KAZN: variants seen among roughly 807,000 people sequenced by gnomAD.
KAZN encodes kazrin.
KAZN carries 40 observed loss-of-function variants against 87.4 expected under a neutral mutation model. That is an observed-to-expected ratio of 0.46 (90% CI 0.36 to 0.60). The LOEUF (loss-of-function observed/expected upper bound fraction) is 0.60. Among genes scored for constraint, KAZN ranks in the 20% least tolerant of loss-of-function variants. The probability of loss-of-function intolerance (pLI) is 0.00; values close to 1 mark genes in which losing one functional copy is unlikely to be tolerated. For synonymous variants in KAZN, 466 were observed against 458.3 expected (o/e 1.02, Z -0.22); for missense variants, 898 against 1,073.9 (o/e 0.84, Z 2.29).
intron 4 of KAZN, among the ~76,000 whole-genome samples, chr1:15,053,602 T>C (rs1674645341): frequency 6.6e-6 from 1 of 152,228 alleles, no homozygotes; most frequent in African/African-American, 2.4e-5. Context: ...CCCACAGGAA[T>C]GTGGGCTTAA....
intron 1 of KAZN, among the ~76,000 whole-genome samples, chr1:14,815,430 G>C (rs1022872148): frequency 2.0e-5 from 3 of 152,144 alleles, no homozygotes; most frequent in African/African-American, 7.2e-5. Context: ...TGTGAACAAT[G>C]TTCTTGATAA....
intron 4 of KAZN, among the ~76,000 whole-genome samples, chr1:15,046,704 A>G (rs1333702325): frequency 1.3e-5 from 2 of 152,178 alleles, no homozygotes; most frequent in African/African-American, 4.8e-5. Flanking sequence ...CTCCTTGTCC[A>G]ATGCTGACCC....
chr1:14,455,261 C>T (rs760199822), intron 2 of KAZN, among the ~76,000 whole-genome samples: 8 of 152,184 alleles, frequency 5.3e-5, no homozygotes, highest in Non-Finnish European at 8.8e-5. Context: ...CAAATTCTAA[C>T]CATGTCCTGA....
At chr1:14,117,205 G>A (rs1644642983) in intron 1 of KAZN, among the ~76,000 whole-genome samples, 2 of 152,118 alleles carry the variant, frequency 1.3e-5, no homozygotes, top group Admixed American at 1.3e-4. Flanking sequence ...GGGCCGAGGT[G>A]GAATGATATG....
chr1:14,454,107 T>C (rs1010480092), intron 2 of KAZN, among the ~76,000 whole-genome samples: 2 of 152,172 alleles, frequency 1.3e-5, no homozygotes, highest in African/African-American at 4.8e-5. Flanking sequence ...CCATGGAGCT[T>C]TACAGAAGTG....
chr1:14,482,288 A>G (rs376823067), intron 2 of KAZN, among the ~76,000 whole-genome samples: 2 of 152,322 alleles, frequency 1.3e-5, no homozygotes, highest in African/African-American at 4.8e-5. Flanking sequence ...GCCAGGGCCC[A>G]AAGAAAAAGT....
intron 1 of KAZN, among the ~76,000 whole-genome samples, chr1:14,016,352 T>C (rs2101222078): frequency 6.6e-6 from 1 of 152,322 alleles, no homozygotes; most frequent in African/African-American, 2.4e-5. Context: ...CAGGACTCTA[T>C]GGCTTACAAA....
chr1:13,966,163 C>T (rs1641935514), intron 1 of KAZN, among the ~76,000 whole-genome samples: 1 of 152,148 alleles, frequency 6.6e-6, no homozygotes, highest in Non-Finnish European at 1.5e-5. Flanking sequence ...TCTGCTTTCT[C>T]TCCCTGCCTC....
intron 1 of KAZN, among the ~76,000 whole-genome samples, chr1:14,692,794 G>A (rs1295139459): frequency 1.3e-5 from 2 of 152,194 alleles, no homozygotes; most frequent in East Asian, 3.9e-4. Flanking sequence ...TTAGCCAGGC[G>A]TAGTGGCACA....
intron 1 of KAZN, among the ~76,000 whole-genome samples, chr1:13,997,100 T>C (rs1017742275): frequency 6.6e-6 from 1 of 151,934 alleles, no homozygotes; most frequent in African/African-American, 2.4e-5. Context: ...CCCTAGCAAA[T>C]TGCAGCAGCC....
At chr1:14,072,993 G>C (rs1241363072) in intron 1 of KAZN, among the ~76,000 whole-genome samples, 1 of 152,080 alleles carries the variant, frequency 6.6e-6, no homozygotes. Context: ...GATCAGGGCT[G>C]GTTCTGAATC....
chr1:14,226,618 A>G (rs933104938), intron 2 of KAZN, among the ~76,000 whole-genome samples: 6 of 152,220 alleles, frequency 3.9e-5, no homozygotes, highest in East Asian at 3.8e-4. Context: ...TCATCGCAGC[A>G]CTATTCAGAA....
chr1:15,022,136 T>A (rs1302442194), intron 2 of KAZN, among the ~76,000 whole-genome samples: 3 of 152,130 alleles, frequency 2.0e-5, no homozygotes, highest in Non-Finnish European at 4.4e-5. Context: ...CCAAGCCTCA[T>A]GCATCCATGC....
chr1:13,945,710 T>TGTGTGTGTGAGAGA lies in KAZN; in HGVS notation c.91+51955_91+51956insTGTGTGTGAGAGAG, dbSNP rs757118365. The stretch of plus-strand genomic sequence containing the variant: ...GTGTGTGTGTGTGTGTGTGTGTGTG[T>TGTGTGTGTGAGAGA]GAGAGAGAGAGAGAGAGAGAGAGAG... On this transcript the variant is annotated intron_variant, in intron 1 of 16. Transcript: ENST00000636203. 2.5e-4 allele frequency among the ~76,000 whole-genome samples: 34 copies of TGTGTGTGTGAGAGA among 137,268 alleles called. No homozygotes were observed. In the East Asian group the frequency reaches 7.4e-3, roughly 30 times the overall value. 90.1% of individuals were successfully genotyped at this position (137,268 alleles called of 152,430 possible).
At chr1:14,438,146 T>C (rs374006893) in intron 2 of KAZN, among the ~76,000 whole-genome samples, 8 of 151,598 alleles carry the variant, frequency 5.3e-5, no homozygotes, top group African/African-American at 1.9e-4. Flanking sequence ...TGCTTCTCTG[T>C]TTCTGTTCAT....
chr1:14,527,565 AC>A (rs1473825529), intron 2 of KAZN, among the ~76,000 whole-genome samples: 2 of 148,996 alleles, frequency 1.3e-5, no homozygotes, highest in African/African-American at 4.9e-5. Context: ...AAAAAAAAAA[AC>A]GATACAGGTT....
intron 2 of KAZN, among the ~76,000 whole-genome samples, chr1:14,278,479 G>A (rs546495489): frequency 1.4e-4 from 21 of 151,834 alleles, no homozygotes; most frequent in African/African-American, 2.4e-4. Flanking sequence ...TAATAGAGAC[G>A]GGGTTTTACG....
chr1:14,038,269 C>A (rs1282659996), intron 1 of KAZN, among the ~76,000 whole-genome samples: 1 of 152,002 alleles, frequency 6.6e-6, no homozygotes, highest in Non-Finnish European at 1.5e-5. Flanking sequence ...GGGGCAGGTG[C>A]AGTTGTGATT....
At chr1:14,543,098 A>G (rs1672917429) in intron 2 of KAZN, among the ~76,000 whole-genome samples, 4 of 152,314 alleles carry the variant, frequency 2.6e-5, no homozygotes, top group Admixed American at 2.6e-4. Flanking sequence ...CCGTGGACAT[A>G]TCTTTATTTT....
Sources: allele counts gnomAD v4.1 joint callset (sites outside exome capture counted in the v4.1 genomes callset), GRCh38; gene constraint gnomAD v4.1.1; transcripts MANE v1.5; gene names NCBI Gene and HGNC (gene_info 2026-07-23, HGNC 2026-07-21).